Variants in MMP20 observed in about 807,000 individuals in gnomAD.
The protein encoded by MMP20 is matrix metallopeptidase 20, also known as matrix metalloproteinase-20.
A neutral mutation model predicts 51.8 loss-of-function variants in MMP20; 50 were observed. That is an observed-to-expected ratio of 0.97 (90% CI 0.77 to 1.22). MMP20 has a LOEUF of 1.22. Ranked by LOEUF, MMP20 falls within the 50% of genes most tolerant of loss-of-function variation. MMP20 has a pLI of 0.00. For synonymous variants in MMP20, 244 were observed against 216.2 expected (o/e 1.13, Z -1.13); for missense variants, 663 against 601.4 (o/e 1.10, Z -1.07).
intron 6 of MMP20, among the ~76,000 whole-genome samples, chr11:102,597,994 C>T (rs201290876): frequency 6.6e-6 from 1 of 151,760 alleles, no homozygotes; most frequent in South Asian, 2.1e-4. Flanking sequence ...CTCGAACTCC[C>T]GACCTCAGGT....
At chr11:102,595,630 C>A (rs1458057563) in intron 6 of MMP20, among the ~76,000 whole-genome samples, 1 of 152,152 alleles carries the variant, frequency 6.6e-6, no homozygotes, top group Non-Finnish European at 1.5e-5. Flanking sequence ...TAATTGTGCG[C>A]TGGAAGCATT....
At chr11:102,620,800 C>T (rs557919313) in intron 1 of MMP20, among the ~76,000 whole-genome samples, 4 of 152,254 alleles carry the variant, frequency 2.6e-5, no homozygotes, top group African/African-American at 9.6e-5. Context: ...TTTGGGGCCA[C>T]GACTACACTA....
At chr11:102,603,698 G>A (rs181539604) in intron 6 of MMP20, among the ~76,000 whole-genome samples, 10 of 152,302 alleles carry the variant, frequency 6.6e-5, no homozygotes, top group African/African-American at 2.4e-4. Context: ...CAAGTCCAGT[G>A]CTGGGACCAC....
At chr11:102,594,566 A>G in intron 7 of MMP20, 55 bp downstream of exon 7, 1 of 1,607,374 alleles carries the variant, frequency 6.2e-7, no homozygotes, top group Middle Eastern at 2.0e-4. Flanking sequence ...GATATGCCAA[A>G]TGAATGGGGC....
intron 6 of MMP20, among the ~76,000 whole-genome samples, chr11:102,600,944 C>T (rs889065991): frequency 4.3e-4 from 66 of 152,142 alleles, no homozygotes; most frequent in Non-Finnish European, 2.2e-4. Flanking sequence ...AAAAAAAATA[C>T]ACCCTTTTTT....
intron 1 of MMP20, among the ~76,000 whole-genome samples, chr11:102,618,579 A>G (rs1859705478): frequency 6.6e-6 from 1 of 152,054 alleles, no homozygotes; most frequent in South Asian, 2.1e-4. Flanking sequence ...GGTATGAAAG[A>G]ATGCTCTTTA....
At chr11:102,603,019 T>C (rs1220620974) in intron 6 of MMP20, among the ~76,000 whole-genome samples, 1 of 152,262 alleles carries the variant, frequency 6.6e-6, no homozygotes, top group African/African-American at 2.4e-5. Flanking sequence ...CAACTTATTA[T>C]AGCTAACACT....
At chr11:102,620,902 G>A (rs1464059968) in intron 1 of MMP20, among the ~76,000 whole-genome samples, 2 of 152,212 alleles carry the variant, frequency 1.3e-5, no homozygotes, top group Non-Finnish European at 2.9e-5. Context: ...CAGGGAGGGG[G>A]TGAGGGCATA....
In MMP20 at chr11:102,577,427, C is replaced by T; in HGVS notation, c.1352-1G>A. ...GGTCCTGAAAAGAAGTAAATGTAGCCTAAAAGAGACAAAGTTGAAATTGGG... is the reference window on the plus strand; with the variant it reads ...GGTCCTGAAAAGAAGTAAATGTAGCTTAAAAGAGACAAAGTTGAAATTGGG... On this transcript the variant is annotated splice_acceptor_variant, in intron 9 of 9. Transcript: ENST00000260228. LOFTEE classifies it high-confidence loss of function. 6.2e-7 allele frequency: 1 copy of T among 1,605,016 alleles called. No individual in the cohort carries two copies. Among genetic ancestry groups the T allele is most frequent in the Non-Finnish European group, 8.5e-7 (1 of 1,171,832 alleles).
intron 6 of MMP20, among the ~76,000 whole-genome samples, chr11:102,598,253 A>G (rs1245813623): frequency 6.6e-6 from 1 of 152,246 alleles, no homozygotes; most frequent in African/African-American, 2.4e-5. Flanking sequence ...TTCCTTATAC[A>G]TCTGTGAATG....
intron 8 of MMP20, among the ~76,000 whole-genome samples, chr11:102,592,857 T>A (rs1859333388): frequency 6.6e-6 from 1 of 152,204 alleles, no homozygotes; most frequent in African/African-American, 2.4e-5. Context: ...TGTGCAGTGA[T>A]TGGATGACAG....
In MMP20 at chr11:102,577,236, C is replaced by T; in HGVS notation, c.*90G>A. The T allele has an allele frequency of 2.4e-6, 2 of 845,458 alleles. No homozygotes were observed. Among genetic ancestry groups the T allele is most frequent in the East Asian group, 4.9e-5 (2 of 40,806 alleles). 52.4% of individuals were successfully genotyped at this position (845,458 alleles called of 1,614,324 possible). ...TTGATTTGAAGGCCTTTGGAAGAATCCCTCTCCTACATTCTGCTTTAGTCC... is the reference window on the plus strand; with the variant it reads ...TTGATTTGAAGGCCTTTGGAAGAATTCCTCTCCTACATTCTGCTTTAGTCC... On this transcript the variant is annotated 3_prime_UTR_variant, in exon 10 of 10. Transcript: ENST00000260228.
In MMP20 at chr11:102,594,672, C is replaced by T; in HGVS notation, c.1039G>A (p.Val347Met). The T allele has an allele frequency of 1.9e-6, 3 of 1,612,692 alleles. No individual in the cohort carries two copies. Among genetic ancestry groups the T allele is most frequent in the Non-Finnish European group, 2.5e-6 (3 of 1,179,838 alleles). The change falls in exon 7 of 10, where the codon GTG becomes ATG. Residue 347 changes from valine (V) to methionine (M), a missense_variant. Transcript: ENST00000260228. Reference protein sequence around the residue: ...TSSFPQLMSNVDAAYEVAERG... With the variant: ...TSSFPQLMSNMDAAYEVAERG... ...TCAGCCACTTCGTAAGCTGCATCCA[C>T]ATTGGACATGAGCTGGGGGAAGGAG...
chr11:102,621,661 C>A (rs553647305), intron 1 of MMP20, among the ~76,000 whole-genome samples: 2 of 152,158 alleles, frequency 1.3e-5, no homozygotes, highest in African/African-American at 4.8e-5. Flanking sequence ...CTTATAGAAG[C>A]CTTATTCATA....
rs796609693 is a variant in MMP20 at position 102,619,768 on chromosome 11, G to C, written c.127-2709C>G. Among the ~76,000 whole-genome samples the C allele has an allele frequency of 1.6e-4, 24 of 151,806 alleles. 1 individual carries two copies. Among genetic ancestry groups the C allele is most frequent in the African/African-American group, 5.8e-4 (24 of 41,406 alleles). On this transcript the variant is annotated intron_variant, in intron 1 of 9. Transcript: ENST00000260228. ...TAAGATGATGTATTTTTAAAGATAG[G>C]GCTTTTACTTTTTTTTTTTTTACTA... is the stretch of plus-strand genomic sequence containing the variant.
intron 6 of MMP20, among the ~76,000 whole-genome samples, chr11:102,605,758 T>G (rs980794957): frequency 6.6e-6 from 1 of 152,214 alleles, no homozygotes; most frequent in Non-Finnish European, 1.5e-5. Flanking sequence ...CTGAGATGCC[T>G]CTGCCTATTC....
At chr11:102,616,706 G>A in intron 2 of MMP20, 106 bp downstream of exon 2, 1 of 1,414,810 alleles carries the variant, frequency 7.1e-7, no homozygotes, top group Non-Finnish European at 9.8e-7. Flanking sequence ...TGGTTGTGAG[G>A]TGTCAGGATT....
intron 8 of MMP20, among the ~76,000 whole-genome samples, chr11:102,588,637 A>T (rs2135931201): frequency 6.6e-6 from 1 of 152,362 alleles, no homozygotes; most frequent in East Asian, 1.9e-4. Context: ...AAAGAAGAAG[A>T]AATATGCATT....
At chr11:102,598,691 C>T (rs939949554) in intron 6 of MMP20, among the ~76,000 whole-genome samples, 1 of 152,212 alleles carries the variant, frequency 6.6e-6, no homozygotes, top group Non-Finnish European at 1.5e-5. Flanking sequence ...TGAATTCCTC[C>T]TCCAGCATCA....
Sources: gnomAD v4.1 joint callset for allele counts (sites outside exome capture counted in the v4.1 genomes callset) on GRCh38, gnomAD v4.1.1 for gene constraint, MANE v1.5 for transcripts, NCBI Gene and HGNC (gene_info 2026-07-23, HGNC 2026-07-21) for gene names.